TMTC2: variants seen among roughly 807,000 people sequenced by gnomAD.
The protein encoded by TMTC2 is protein O-mannosyl-transferase TMTC2.
In TMTC2, 43 loss-of-function variants were observed where a neutral mutation model predicts 82.4. The ratio of observed to expected loss-of-function variants is 0.52; its 90% CI spans 0.41 to 0.67. The LOEUF (loss-of-function observed/expected upper bound fraction) is 0.67, where lower values mean the gene tolerates loss of function less well. TMTC2 is among the 30% of genes least tolerant of loss of function. The pLI is 0.00. For synonymous variants in TMTC2, 408 were observed against 381.9 expected, an observed-to-expected ratio of 1.07 and a Z score of -0.80; for missense variants, 919 against 1,012.4, an observed-to-expected ratio of 0.91 and a Z score of 1.25.
At chr12:82,977,429 A>C (rs1878723350) in intron 7 of TMTC2, among the ~76,000 whole-genome samples, 1 of 151,878 alleles carries the variant, frequency 6.6e-6, no homozygotes, top group Admixed American at 6.6e-5. Context: ...AGACCCTGGA[A>C]ATAATAACAA....
intron 8 of TMTC2, among the ~76,000 whole-genome samples, chr12:82,997,259 A>G (rs2137359391): frequency 7.7e-6 from 1 of 129,988 alleles, no homozygotes; most frequent in Admixed American, 8.9e-5. Flanking sequence ...ATATACGTCT[A>G]TATTTATATA....
intron 1 of TMTC2, among the ~76,000 whole-genome samples, chr12:82,693,126 A>G (rs188282000): frequency 1.8e-4 from 28 of 152,300 alleles, no homozygotes; most frequent in African/African-American, 5.8e-4. Flanking sequence ...AGGTACTGTA[A>G]AGGGTTTGAA....
chr12:82,692,929 A>G (rs1019356029), intron 1 of TMTC2, among the ~76,000 whole-genome samples: 1 of 152,214 alleles, frequency 6.6e-6, no homozygotes, highest in African/African-American at 2.4e-5. Context: ...ACAGTGCTAA[A>G]TGTTTCTTTG....
chr12:82,886,135 T>C (rs1873087646), intron 2 of TMTC2, among the ~76,000 whole-genome samples: 1 of 152,200 alleles, frequency 6.6e-6, no homozygotes, highest in African/African-American at 2.4e-5. Flanking sequence ...GCTCTTTAAG[T>C]GGGTTCCTGT....
chr12:82,985,838 T>TATGATGATG, intron 7 of TMTC2, 87 bp from the exon 8 acceptor site: 2 of 1,484,040 alleles, frequency 1.3e-6, no homozygotes, highest in Non-Finnish European at 1.8e-6. Flanking sequence ...TTCCACGCAG[T>TATGATGATG]ATGATGATGA....
At chr12:82,729,801 T>C (rs1045700859) in intron 1 of TMTC2, among the ~76,000 whole-genome samples, 2 of 152,208 alleles carry the variant, frequency 1.3e-5, no homozygotes, top group East Asian at 1.9e-4. Context: ...CTCTTTGCAA[T>C]AAATCTTGCT....
At chr12:82,886,736 A>G (rs1873119931) in intron 2 of TMTC2, among the ~76,000 whole-genome samples, 1 of 152,228 alleles carries the variant, frequency 6.6e-6, no homozygotes, top group Admixed American at 6.5e-5. Context: ...GATCATTAAT[A>G]AGGAAACCCA....
intron 11 of TMTC2, among the ~76,000 whole-genome samples, chr12:83,076,361 T>G (rs1341561377): frequency 6.6e-6 from 1 of 152,242 alleles, no homozygotes; most frequent in Non-Finnish European, 1.5e-5. Flanking sequence ...GAAATTTCAC[T>G]TAATTATGTT....
At chr12:82,733,246 A>C (rs569016569) in intron 1 of TMTC2, among the ~76,000 whole-genome samples, 1 of 152,326 alleles carries the variant, frequency 6.6e-6, no homozygotes, top group East Asian at 1.9e-4. Context: ...TGAGGTGAGG[A>C]TATTGTATGT....
chr12:82,885,446 T>C (rs1199922), intron 2 of TMTC2, among the ~76,000 whole-genome samples: 5,179 of 152,088 alleles, frequency 0.034, 318 homozygotes, highest in African/African-American at 0.12. Flanking sequence ...CAGAGCTCAC[T>C]GTAGTCTTGA....
In TMTC2 at chr12:82,895,919, CT is replaced by C; in HGVS notation, c.760del (p.Ser254ProfsTer75). On this transcript the variant is annotated frameshift_variant, in exon 3 of 12. Transcript: ENST00000321196. LOFTEE classifies it high-confidence loss of function. ...LYWMGNKPPS[F>X]SNSDNPAADS... is the part of the protein sequence containing the mutation. ...ACTGGATGGGAAACAAACCACCAAG[CT>C]TTTCCAACTCGGACAACCCCGCTGC... 1 of 1,613,982 alleles carries C rather than the reference CT, an allele frequency of 6.2e-7. No individual in the cohort carries two copies. The highest frequency in any genetic ancestry group is 8.5e-7 in the Non-Finnish European group (1 of 1,180,010).
intron 11 of TMTC2, among the ~76,000 whole-genome samples, chr12:83,095,075 G>A (rs1206933316): frequency 6.6e-6 from 1 of 152,176 alleles, no homozygotes; most frequent in Admixed American, 6.5e-5. Flanking sequence ...AGTGCCAGTT[G>A]GGGAAGCTTA....
rs113751443 is a variant in TMTC2, at chr12:82,817,557, T to TTG, written c.84-39439_84-39438dup. ...TTGGCAAAGGAATAAAAGGATCACTTTGTGTGTGTGTGTGTCAGTGTTTAC... is the reference window on the plus strand; with the variant it reads ...TTGGCAAAGGAATAAAAGGATCACTTTGTGTGTGTGTGTGTGTCAGTGTTTAC... On this transcript the variant is annotated intron_variant, in intron 1 of 11. Coordinates refer to ENST00000321196, the MANE Select transcript of TMTC2 (RefSeq NM_152588.3). 4.5e-4 allele frequency among the ~76,000 whole-genome samples: 68 copies of TTG among 151,926 alleles called. 1 individual carries two copies. Among genetic ancestry groups the TTG allele is most frequent in the Admixed American group, 1.2e-3 (18 of 15,256 alleles).
At chr12:83,099,078 C>T (rs1433918742) in intron 11 of TMTC2, among the ~76,000 whole-genome samples, 1 of 152,162 alleles carries the variant, frequency 6.6e-6, no homozygotes, top group East Asian at 1.9e-4. Context: ...GGAAATAATG[C>T]TTTTTCTTCA....
intron 4 of TMTC2, among the ~76,000 whole-genome samples, chr12:82,940,968 A>C (rs1876684173): frequency 6.6e-6 from 1 of 152,100 alleles, no homozygotes; most frequent in Non-Finnish European, 1.5e-5. Flanking sequence ...ATAAAGAGCC[A>C]AGTATTTATG....
intron 8 of TMTC2, among the ~76,000 whole-genome samples, chr12:83,014,806 A>C (rs2137392921): frequency 6.6e-6 from 1 of 152,278 alleles, no homozygotes; most frequent in South Asian, 2.1e-4. Flanking sequence ...TAATCTCTTA[A>C]GATTTAGCTA....
chr12:82,824,841 C>A (rs531737923), intron 1 of TMTC2, among the ~76,000 whole-genome samples: 1 of 152,128 alleles, frequency 6.6e-6, no homozygotes, highest in South Asian at 2.1e-4. Context: ...GTAATCCCAG[C>A]ACTTTGGGAG....
chr12:82,838,256 T>C (rs1870155341), intron 1 of TMTC2, among the ~76,000 whole-genome samples: 1 of 152,194 alleles, frequency 6.6e-6, no homozygotes, highest in Non-Finnish European at 1.5e-5. Flanking sequence ...TGTGGCTTTG[T>C]TATTCTGATG....
chr12:82,802,787 G>T (rs1879073881), intron 1 of TMTC2, among the ~76,000 whole-genome samples: 1 of 152,078 alleles, frequency 6.6e-6, no homozygotes, highest in Non-Finnish European at 1.5e-5. Context: ...ACGCTAAGGG[G>T]TTTAGACTTT....
Sources: allele counts gnomAD v4.1 joint callset (sites outside exome capture counted in the v4.1 genomes callset), GRCh38; gene constraint gnomAD v4.1.1; transcripts MANE v1.5; gene names NCBI Gene and HGNC (gene_info 2026-07-23, HGNC 2026-07-21).